Variants in SNAP23 observed in about 807,000 individuals in gnomAD.
SNAP23 encodes synaptosomal-associated protein 23.
SNAP23 carries 11 observed loss-of-function variants against 29.0 expected under a neutral mutation model. That is an observed-to-expected ratio of 0.38 (90% CI 0.24 to 0.63). The LOEUF is 0.63. Ranked by LOEUF, SNAP23 falls within the 20% of genes least tolerant of loss-of-function variation. SNAP23 has a pLI of 0.58. For missense variants in SNAP23, 220 were observed against 253.9 expected, an observed-to-expected ratio of 0.87 and a Z score of 0.91; for synonymous variants, 60 against 82.9, an observed-to-expected ratio of 0.72 and a Z score of 1.50.
At chr15:42,506,373 G>T (rs1023320214) in intron 1 of SNAP23, among the ~76,000 whole-genome samples, 2 of 152,086 alleles carry the variant, frequency 1.3e-5, no homozygotes, top group Admixed American at 1.3e-4. Flanking sequence ...AAGTAGCTGG[G>T]ACTACAGGCA....
intron 5 of SNAP23, among the ~76,000 whole-genome samples, chr15:42,524,414 C>T (rs1282195241): frequency 6.6e-6 from 1 of 152,190 alleles, no homozygotes; most frequent in Non-Finnish European, 1.5e-5. Flanking sequence ...GGCCTGTTAA[C>T]AGAAACTGGT....
At chr15:42,531,231 T>C (rs1174074292) in intron 7 of SNAP23, among the ~76,000 whole-genome samples, 182 bp from the exon 8 acceptor site, 3 of 152,258 alleles carry the variant, frequency 2.0e-5, no homozygotes, top group Non-Finnish European at 2.9e-5. Flanking sequence ...GTCATGTTTA[T>C]ATACCAGGGG....
At chr15:42,491,937 G>A (rs1291250499), upstream of SNAP23, among the ~76,000 whole-genome samples, 6 of 147,340 alleles carry the variant, frequency 4.1e-5, no homozygotes, top group Admixed American at 4.0e-4. Context: ...TTGAGATGGA[G>A]TCTTGCTCTG....
At chr15:42,513,327 C>G in intron 3 of SNAP23, 72 bp from the exon 4 acceptor site, 1 of 1,322,344 alleles carries the variant, frequency 7.6e-7, no homozygotes, top group Non-Finnish European at 1.1e-6. Flanking sequence ...TTCTGTGTTG[C>G]TCTTGTAGGT....
At chr15:42,515,100 C>A in intron 4 of SNAP23, 137 bp from the exon 5 acceptor site, 1 of 627,304 alleles carries the variant, frequency 1.6e-6, no homozygotes, top group South Asian at 2.0e-5. Context: ...GCTTCTAATA[C>A]CTTTTGACAC....
At chr15:42,503,890 A>G (rs978017345) in intron 1 of SNAP23, among the ~76,000 whole-genome samples, 1 of 152,212 alleles carries the variant, frequency 6.6e-6, no homozygotes, top group Admixed American at 6.5e-5. Flanking sequence ...TAAAAAGAAA[A>G]GAGTTTTTAA....
chr15:42,502,640 G>A (rs1236572853), intron 1 of SNAP23, among the ~76,000 whole-genome samples: 1 of 152,188 alleles, frequency 6.6e-6, no homozygotes, highest in African/African-American at 2.4e-5. Context: ...ATCTCACCCC[G>A]TACTTGGTAT....
chr15:42,531,327 GGT>G lies in SNAP23; in HGVS notation c.571-81_571-80del, dbSNP rs1351660541. On this transcript the variant is annotated intron_variant, in intron 7 of 7. Transcript: ENST00000249647. Reference sequence around the variant, plus strand: ...TTCACGTGGTTTCTTGGATTTTCTTGGTGTGTCAGTTACTCCAAGTGTAAAAA... The same window carrying G: ...TTCACGTGGTTTCTTGGATTTTCTTGGTGTCAGTTACTCCAAGTGTAAAAA... 32 of 786,164 alleles carry G rather than the reference GGT, an allele frequency of 4.1e-5. No individual in the cohort carries two copies. The South Asian group carries it at 7.8e-4, about 19-fold the overall frequency. The allele number at this position is 786,164 out of a possible 1,614,324, so 48.7% of individuals were successfully genotyped here.
At chr15:42,521,152 A>G (rs2057445825) in intron 5 of SNAP23, among the ~76,000 whole-genome samples, 1 of 152,350 alleles carries the variant, frequency 6.6e-6, no homozygotes, top group Admixed American at 6.5e-5. Context: ...TAGTTACTCA[A>G]TAAACACTTG....
chr15:42,491,365 GT>G (rs2057161776), upstream of SNAP23: 1 of 152,372 alleles, frequency 6.6e-6, no homozygotes, highest in Non-Finnish European at 1.5e-5. Flanking sequence ...GTTTCTCCTT[GT>G]TCTTTCCCGG....
chr15:42,515,440 G>A (rs908863293), intron 5 of SNAP23, 86 bp downstream of exon 5: 2 of 742,300 alleles, frequency 2.7e-6, no homozygotes, highest in Admixed American at 5.0e-5. Flanking sequence ...AGTATGACTG[G>A]GCTTAATGAG....
chr15:42,513,844 G>A lies in SNAP23; in HGVS notation c.148+397G>A, dbSNP rs140304006. On this transcript the variant is annotated intron_variant, in intron 4 of 7. Coordinates refer to ENST00000249647, the MANE Select transcript of SNAP23 (RefSeq NM_003825.4). ...TTTTGGGGGTGGGGGATGAAGTTTC[G>A]CTCTTCTTGCCCAGGCTGGAGTGCA... is the stretch of plus-strand genomic sequence containing the variant. Among the ~76,000 whole-genome samples, 1,460 of 151,878 alleles carry A rather than the reference G, an allele frequency of 9.6e-3. 29 individuals carry two copies. Among genetic ancestry groups the A allele is most frequent in the African/African-American group, 0.034 (1,405 of 41,390 alleles).
At chr15:42,519,243 T>G (rs1244204913) in intron 5 of SNAP23, among the ~76,000 whole-genome samples, 3 of 151,504 alleles carry the variant, frequency 2.0e-5, no homozygotes, top group African/African-American at 7.3e-5. Context: ...TTAGTAGAGA[T>G]GGGGGTTCAC....
intron 5 of SNAP23, among the ~76,000 whole-genome samples, chr15:42,519,995 A>G (rs1045283874): frequency 4.0e-5 from 6 of 150,958 alleles, no homozygotes; most frequent in African/African-American, 9.8e-5. Context: ...CATCCAGGCT[A>G]CACTATGTAG....
chr15:42,515,053 C>A (rs1172445544), intron 4 of SNAP23, among the ~76,000 whole-genome samples, 184 bp from the exon 5 acceptor site: 1 of 152,124 alleles, frequency 6.6e-6, no homozygotes, highest in Non-Finnish European at 1.5e-5. Context: ...TAGGTGCCTC[C>A]GGATCAGTAC....
intron 4 of SNAP23, among the ~76,000 whole-genome samples, chr15:42,514,439 G>A (rs1359552143): frequency 6.6e-6 from 1 of 151,824 alleles, no homozygotes; most frequent in Admixed American, 6.6e-5. Context: ...GTGAGCCACC[G>A]TGTCTGGCCA....
chr15:42,532,107 T>C lies in SNAP23; in HGVS notation c.*629T>C, dbSNP rs1243771609. On this transcript the variant is annotated 3_prime_UTR_variant, in exon 8 of 8. Coordinates refer to ENST00000249647, the MANE Select transcript of SNAP23 (RefSeq NM_003825.4). ...TGAGTTTTCTTTCTTTTTTTTTTTT[T>C]TGGAGTCAGAGTCTCGCTCTCTTGT... 6.6e-6 allele frequency: 1 copy of C among 152,086 alleles called. No homozygotes were observed. Among genetic ancestry groups the C allele is most frequent in the Non-Finnish European group, 1.5e-5 (1 of 68,002 alleles). 9.4% of individuals were successfully genotyped at this position (152,086 alleles called of 1,614,324 possible).
chr15:42,499,001 G>C (rs1318861157), intron 1 of SNAP23, among the ~76,000 whole-genome samples: 1 of 151,746 alleles, frequency 6.6e-6, no homozygotes, highest in Non-Finnish European at 1.5e-5. Context: ...TATGTATCTT[G>C]ATATTTGTTT....
chr15:42,491,624 T>C (rs1415354466), upstream of SNAP23: 2 of 152,262 alleles, frequency 1.3e-5, no homozygotes, highest in Non-Finnish European at 2.9e-5. Flanking sequence ...ATTAGGATAA[T>C]GTTATCTCAC....
Sources: allele counts gnomAD v4.1 joint callset (sites outside exome capture counted in the v4.1 genomes callset), GRCh38; gene constraint gnomAD v4.1.1; transcripts MANE v1.5; gene names NCBI Gene and HGNC (gene_info 2026-07-23, HGNC 2026-07-21).